MAF: variants seen among roughly 807,000 people sequenced by gnomAD.
The protein encoded by MAF is transcription factor Maf.
A neutral mutation model predicts 22.0 loss-of-function variants in MAF; 10 were observed. That is an observed-to-expected ratio of 0.45 (90% CI 0.28 to 0.77). The LOEUF is 0.77. Among genes scored for constraint, MAF ranks in the 30% least tolerant of loss-of-function variants. The pLI, the probability that MAF is intolerant of heterozygous loss-of-function variation, is 0.12. For synonymous variants in MAF, 337 were observed against 255.8 expected (o/e 1.32, Z -3.03); for missense variants, 544 against 548.4 (o/e 0.99, Z 0.08).
the MAF span, among the ~76,000 whole-genome samples, chr16:79,387,065 T>G: frequency 6.6e-6 from 1 of 152,208 alleles, no homozygotes; most frequent in African/African-American, 2.4e-5. Flanking sequence ...AGTCACACCA[T>G]CATACCTGTT....
At chr16:79,346,886 G>C in the MAF span, among the ~76,000 whole-genome samples, 1 of 152,176 alleles carries the variant, frequency 6.6e-6, no homozygotes, top group Non-Finnish European at 1.5e-5. Context: ...GTTAGCATTT[G>C]ATAAGATTTA....
chr16:79,448,776 T>C, the MAF span, among the ~76,000 whole-genome samples: 2 of 151,684 alleles, frequency 1.3e-5, no homozygotes, highest in Admixed American at 1.3e-4. Flanking sequence ...ACACACACAA[T>C]GCTACTACAG....
chr16:79,402,041 G>C, the MAF span, among the ~76,000 whole-genome samples: 32 of 152,322 alleles, frequency 2.1e-4, no homozygotes, highest in Non-Finnish European at 3.8e-4. Context: ...TAAGTGGCTA[G>C]AAACATGGAC....
the MAF span, among the ~76,000 whole-genome samples, chr16:79,364,195 A>C: frequency 6.6e-6 from 1 of 152,182 alleles, no homozygotes. Context: ...AATGTTAAGC[A>C]TAGTAATCAC....
At chr16:79,533,459 T>C in the MAF span, among the ~76,000 whole-genome samples, 2 of 152,282 alleles carry the variant, frequency 1.3e-5, no homozygotes, top group African/African-American at 2.4e-5. Context: ...AGAAGGGTAG[T>C]GTGGTCATTC....
At chr16:79,451,422 C>T in the MAF span, among the ~76,000 whole-genome samples, 33 of 152,312 alleles carry the variant, frequency 2.2e-4, no homozygotes, top group Middle Eastern at 3.4e-3. Context: ...AGACCACTTC[C>T]CTTCCCGTTT....
the MAF span, among the ~76,000 whole-genome samples, chr16:79,447,045 T>C: frequency 6.6e-6 from 1 of 150,548 alleles, no homozygotes; most frequent in African/African-American, 2.4e-5. Context: ...TTCAAAATGA[T>C]GTATGCAGTG....
At chr16:79,492,833 G>A in the MAF span, among the ~76,000 whole-genome samples, 1 of 152,346 alleles carries the variant, frequency 6.6e-6, no homozygotes, top group East Asian at 1.9e-4. Context: ...TTATTCTTTG[G>A]TGTTAGAAGT....
the MAF span, among the ~76,000 whole-genome samples, chr16:79,468,928 G>A: frequency 6.6e-6 from 1 of 152,054 alleles, no homozygotes; most frequent in Non-Finnish European, 1.5e-5. Flanking sequence ...TCAATCAATC[G>A]TGGGCTCACA....
the MAF span, among the ~76,000 whole-genome samples, chr16:79,338,657 T>C: frequency 2.6e-5 from 4 of 151,482 alleles, no homozygotes; most frequent in Non-Finnish European, 5.9e-5. Flanking sequence ...AGAAAAAAAA[T>C]GGGAGAGAGA....
chr16:79,249,483 G>C, the MAF span, among the ~76,000 whole-genome samples: 432 of 151,168 alleles, frequency 2.9e-3, 7 homozygotes, highest in African/African-American at 9.9e-3. Context: ...TGTGAGGCCA[G>C]AGAAAGATCC....
chr16:79,476,708 G>T, the MAF span, among the ~76,000 whole-genome samples: 1 of 152,300 alleles, frequency 6.6e-6, no homozygotes, highest in African/African-American at 2.4e-5. Context: ...GGGGAAGGCA[G>T]AGACAACTGT....
At chr16:79,584,175 G>T (rs35591084), downstream of MAF, among the ~76,000 whole-genome samples, 351 of 152,144 alleles carry the variant, frequency 2.3e-3, 6 homozygotes, top group Non-Finnish European at 1.9e-3. Flanking sequence ...TCCTAGCCTA[G>T]AAAATTGTCA....
chr16:79,587,925 A>C (rs1458556962), intron 1 of MAF, among the ~76,000 whole-genome samples: 1 of 150,912 alleles, frequency 6.6e-6, no homozygotes, highest in Non-Finnish European at 1.5e-5. Context: ...AAGCCATTGC[A>C]GTTTCTGTGT....
chr16:79,362,182 T>A, the MAF span, among the ~76,000 whole-genome samples: 2 of 152,230 alleles, frequency 1.3e-5, no homozygotes, highest in Non-Finnish European at 1.5e-5. Context: ...ATTAAGTTAG[T>A]TAATCCAAGG....
chr16:79,275,304 C>T, the MAF span, among the ~76,000 whole-genome samples: 35 of 152,268 alleles, frequency 2.3e-4, 1 homozygote, highest in South Asian at 7.0e-3. Flanking sequence ...TGAGATTTTG[C>T]CATTGCACTC....
the MAF span, among the ~76,000 whole-genome samples, chr16:79,347,994 T>C: frequency 1.3e-5 from 2 of 152,244 alleles, no homozygotes; most frequent in African/African-American, 4.8e-5. Flanking sequence ...TCCACTCTTT[T>C]TAATATTGTC....
At chr16:79,407,170 C>G in the MAF span, among the ~76,000 whole-genome samples, 2 of 152,156 alleles carry the variant, frequency 1.3e-5, no homozygotes, top group Non-Finnish European at 2.9e-5. Flanking sequence ...CATTAACCAT[C>G]CCCTGGTACC....
the MAF span, among the ~76,000 whole-genome samples, chr16:79,210,792 G>A: frequency 2.6e-5 from 4 of 152,194 alleles, no homozygotes; most frequent in African/African-American, 9.6e-5. Context: ...TGGATGATAT[G>A]ATGCCTCATC....
Sources: gnomAD v4.1 joint callset for allele counts (sites outside exome capture counted in the v4.1 genomes callset) on GRCh38, gnomAD v4.1.1 for gene constraint, MANE v1.5 for transcripts, NCBI Gene and HGNC (gene_info 2026-07-23, HGNC 2026-07-21) for gene names.